The following SLA2 variants were observed in gnomAD, a reference collection of about 807,000 sequenced individuals.
The protein encoded by SLA2 is Src like adaptor 2.
Under a neutral mutation model 27.3 loss-of-function variants are expected in SLA2, and 22 were observed. The observed-to-expected ratio is 0.81, with a 90% CI of 0.58 to 1.15. The LOEUF is 1.15. SLA2 is among the 50% of genes most tolerant of loss of function. SLA2 has a pLI of 0.00. For synonymous variants in SLA2, 131 were observed against 137.8 expected (o/e 0.95, Z 0.34); for missense variants, 304 against 322.2 (o/e 0.94, Z 0.43).
Position 36,613,137 on chromosome 20 carries a change from T to C in SLA2, c.*729A>G, listed in dbSNP as rs1227653440. 6.6e-6 allele frequency: 1 copy of C among 152,292 alleles called. No individual in the cohort carries two copies. The highest frequency in any genetic ancestry group is 1.5e-5 in the Non-Finnish European group (1 of 68,118). 9.4% of individuals were successfully genotyped at this position (152,292 alleles called of 1,614,324 possible). A position where few individuals can be genotyped will look rare whatever the true frequency, so the allele number is the denominator to read the frequency against. On this transcript the variant is annotated 3_prime_UTR_variant, in exon 8 of 8. Coordinates refer to ENST00000262866, the MANE Select transcript of SLA2 (RefSeq NM_032214.4). ...CTGGAGGCTGAGGCAGGAGAATTGT[T>C]TGAATCCAGGAGATGGAGGTTGCAG...
At chr20:36,628,365 C>A (rs1412967280) in intron 5 of SLA2, among the ~76,000 whole-genome samples, 2 of 152,156 alleles carry the variant, frequency 1.3e-5, no homozygotes, top group Admixed American at 6.6e-5. Context: ...CAACCATGGT[C>A]ATGTTCTCTG....
chr20:36,615,538 T>C (rs2039199987), intron 5 of SLA2, among the ~76,000 whole-genome samples, 164 bp from the exon 6 acceptor site: 1 of 152,114 alleles, frequency 6.6e-6, no homozygotes, highest in South Asian at 2.1e-4. Flanking sequence ...ATCAATAATA[T>C]GTTCATAATA....
At chr20:36,644,724 G>A (rs59195087) in intron 1 of SLA2, among the ~76,000 whole-genome samples, 6,016 of 152,262 alleles carry the variant, frequency 0.04, 402 homozygotes, top group African/African-American at 0.14. Flanking sequence ...CGCACATTTT[G>A]TAAGACAGCA....
chr20:36,633,278 A>G (rs113803332), intron 4 of SLA2, among the ~76,000 whole-genome samples: 4,774 of 151,872 alleles, frequency 0.031, 251 homozygotes, highest in African/African-American at 0.11. Flanking sequence ...ACTTTTCAGC[A>G]TTTTCCACCA....
chr20:36,621,292 A>T (rs1568602776), intron 5 of SLA2: 3 of 601,372 alleles, frequency 5.0e-6, no homozygotes, highest in Non-Finnish European at 9.6e-6. Flanking sequence ...TAGCAATTAT[A>T]GTGGACAACA....
intron 3 of SLA2, among the ~76,000 whole-genome samples, chr20:36,634,128 C>T (rs1346549037): frequency 2.0e-5 from 3 of 151,980 alleles, no homozygotes; most frequent in African/African-American, 7.3e-5. Flanking sequence ...GCTGGGATTA[C>T]AGGCGTCTGC....
intron 6 of SLA2, chr20:36,614,925 G>A (rs2039190406): frequency 1.0e-6 from 1 of 985,386 alleles, no homozygotes; most frequent in Non-Finnish European, 1.2e-6. Context: ...GCAGCTCTGT[G>A]CCCGGTTCCT....
intron 3 of SLA2, among the ~76,000 whole-genome samples, chr20:36,634,163 T>A (rs1487619844): frequency 6.6e-6 from 1 of 151,958 alleles, no homozygotes; most frequent in East Asian, 1.9e-4. Flanking sequence ...AATTTTTGTA[T>A]TTTTAGTAGA....
intron 2 of SLA2, among the ~76,000 whole-genome samples, chr20:36,640,355 A>G (rs1453264607): frequency 6.6e-6 from 1 of 152,156 alleles, no homozygotes; most frequent in Non-Finnish European, 1.5e-5. Flanking sequence ...ACTTCAGGTA[A>G]TTTCATAGTA....
chr20:36,614,697 C>G, intron 6 of SLA2: 1 of 985,380 alleles, frequency 1.0e-6, no homozygotes, highest in Non-Finnish European at 1.2e-6. Context: ...TAGGAAATTG[C>G]TTTGGGAAGA....
Position 36,615,747 on chromosome 20 carries a change from G to C in SLA2, c.383-373C>G, listed in dbSNP as rs977335526. On this transcript the variant is annotated intron_variant, in intron 5 of 7. Coordinates refer to ENST00000262866, the MANE Select transcript of SLA2 (RefSeq NM_032214.4). Reference sequence around the variant, plus strand: ...GACCTCCCACCCTGCTGGTGGAAGAGAAATTAGTACGAGCCACCTTGGAAA... The same window carrying C: ...GACCTCCCACCCTGCTGGTGGAAGACAAATTAGTACGAGCCACCTTGGAAA... 3.3e-5 allele frequency among the ~76,000 whole-genome samples: 5 copies of C among 152,272 alleles called. No homozygotes were observed. The South Asian group carries it at 1.0e-3, about 32-fold the overall frequency.
chr20:36,617,178 C>T (rs998962558), intron 5 of SLA2, among the ~76,000 whole-genome samples: 6 of 149,784 alleles, frequency 4.0e-5, no homozygotes, highest in South Asian at 2.1e-4. Context: ...ACCAATGTGG[C>T]GAAACCCTGC....
intron 5 of SLA2, among the ~76,000 whole-genome samples, chr20:36,629,010 T>A (rs181225030): frequency 4.7e-4 from 71 of 152,070 alleles, no homozygotes; most frequent in African/African-American, 1.6e-3. Flanking sequence ...CTGATCCATC[T>A]CCTTTTGGAA....
At chr20:36,614,234 G>A in intron 7 of SLA2, 71 bp downstream of exon 7, 2 of 1,611,164 alleles carry the variant, frequency 1.2e-6, no homozygotes, top group Non-Finnish European at 1.7e-6. Flanking sequence ...ATTCCGGGTT[G>A]TGGCTTCCCA....
chr20:36,622,366 A>C (rs1041476533), intron 5 of SLA2, among the ~76,000 whole-genome samples: 24 of 151,900 alleles, frequency 1.6e-4, no homozygotes, highest in Non-Finnish European at 3.2e-4. Context: ...AAAAAAAAAA[A>C]ACAAAAAACT....
intron 5 of SLA2, among the ~76,000 whole-genome samples, chr20:36,618,573 T>C (rs1444619544): frequency 6.6e-6 from 1 of 151,990 alleles, no homozygotes; most frequent in African/African-American, 2.4e-5. Context: ...AAAAATATGT[T>C]GTCTGGCCAC....
intron 5 of SLA2, among the ~76,000 whole-genome samples, chr20:36,628,577 G>A (rs2039362214): frequency 6.6e-6 from 1 of 152,048 alleles, no homozygotes; most frequent in African/African-American, 2.4e-5. Flanking sequence ...ACAGGGTCTT[G>A]GTCTGTCACC....
intron 5 of SLA2, among the ~76,000 whole-genome samples, chr20:36,626,304 A>C (rs536698558): frequency 3.8e-4 from 58 of 151,828 alleles, no homozygotes; most frequent in Non-Finnish European, 6.6e-4. Context: ...AGGCAGGAGA[A>C]TTGCTTGAAC....
intron 2 of SLA2, among the ~76,000 whole-genome samples, chr20:36,635,933 A>G (rs2039439980): frequency 6.6e-6 from 1 of 151,694 alleles, no homozygotes; most frequent in Non-Finnish European, 1.5e-5. Flanking sequence ...TCCCTGACCA[A>G]CCACCTCTGC....
Sources: allele counts gnomAD v4.1 joint callset (sites outside exome capture counted in the v4.1 genomes callset), GRCh38; gene constraint gnomAD v4.1.1; transcripts MANE v1.5; gene names NCBI Gene and HGNC (gene_info 2026-07-23, HGNC 2026-07-21).